Variants in CYP20A1 observed in about 807,000 individuals in gnomAD.
CYP20A1 encodes cytochrome P450 family 20 subfamily A member 1.
A neutral mutation model predicts 61.4 loss-of-function variants in CYP20A1; 61 were observed. That is an observed-to-expected ratio of 0.99 (90% CI 0.81 to 1.23). The LOEUF (loss-of-function observed/expected upper bound fraction) is 1.23. Among genes scored for constraint, CYP20A1 ranks in the 50% most tolerant of loss-of-function variants. The pLI is 0.00. For missense variants in CYP20A1, 530 were observed against 542.4 expected, an observed-to-expected ratio of 0.98 and a Z score of 0.23; for synonymous variants, 193 against 188.2, an observed-to-expected ratio of 1.03 and a Z score of -0.21.
In CYP20A1 at chr2:203,298,948, T is replaced by G. The variant is rs1360641266; in HGVS notation, c.*2040T>G. ...TACTTGGGAGGCTGAGGCAGGAGAA[T>G]CGCTTGAACCTGGGAGGCGGAGGTT... On this transcript the variant is annotated 3_prime_UTR_variant, in exon 13 of 13. Coordinates refer to ENST00000356079, the MANE Select transcript of CYP20A1 (RefSeq NM_177538.3). 6.6e-6 allele frequency among the ~76,000 whole-genome samples: 1 copy of G among 151,926 alleles called. No homozygotes were observed. Among genetic ancestry groups the G allele is most frequent in the Non-Finnish European group, 1.5e-5 (1 of 67,990 alleles).
At chr2:203,279,716 C>T (rs1373800342) in intron 7 of CYP20A1, among the ~76,000 whole-genome samples, 9 of 152,024 alleles carry the variant, frequency 5.9e-5, no homozygotes, top group African/African-American at 9.7e-5. Flanking sequence ...AAAATAGGAC[C>T]GAGTTTGTTT....
intron 9 of CYP20A1, among the ~76,000 whole-genome samples, chr2:203,287,146 G>T (rs1178566735): frequency 2.2e-5 from 3 of 137,286 alleles, no homozygotes; most frequent in African/African-American, 8.0e-5. Flanking sequence ...CTGAGCCCAG[G>T]AAGTCCAGGC....
chr2:203,246,042 G>T, intron 2 of CYP20A1, 147 bp downstream of exon 2: 1 of 584,076 alleles, frequency 1.7e-6, no homozygotes, highest in South Asian at 2.5e-5. Flanking sequence ...GGAGTTTAAT[G>T]CTTCAGTGAG....
chr2:203,257,695 A>C (rs1293652260), intron 4 of CYP20A1, among the ~76,000 whole-genome samples: 1 of 151,642 alleles, frequency 6.6e-6, no homozygotes, highest in South Asian at 2.1e-4. Context: ...AGGCTGAGGC[A>C]GGAGAATTGC....
chr2:203,288,345 C>T (rs191062545), intron 9 of CYP20A1, among the ~76,000 whole-genome samples: 1 of 152,078 alleles, frequency 6.6e-6, no homozygotes, highest in Admixed American at 6.6e-5. Context: ...GGATTACAGA[C>T]ATGTGCCACC....
intron 11 of CYP20A1, among the ~76,000 whole-genome samples, chr2:203,295,849 TGA>T (rs1389739244): frequency 2.0e-5 from 3 of 151,876 alleles, no homozygotes; most frequent in Non-Finnish European, 4.4e-5. Context: ...CTTGGGAGGC[TGA>T]GACAGGAGAA....
chr2:203,261,326 G>A (rs535757205), intron 4 of CYP20A1, among the ~76,000 whole-genome samples: 1 of 152,138 alleles, frequency 6.6e-6, no homozygotes, highest in South Asian at 2.1e-4. Flanking sequence ...GAGAGGCTGA[G>A]GTGGGAGGAT....
At position 203,277,354 on chromosome 2, in the gene CYP20A1, A is replaced by AAAAAAG. The variant is rs112558679; in HGVS notation, c.680-1215_680-1214insAGAAAA. Among the ~76,000 whole-genome samples, 1,122 of 147,744 alleles carry AAAAAAG rather than the reference A, an allele frequency of 7.6e-3. 13 individuals are homozygous for AAAAAAG. The highest frequency in any genetic ancestry group is 0.02 in the African/African-American group (816 of 40,198). The stretch of plus-strand genomic sequence containing the variant: ...CAGAGGAACACTCTGTCTCAAAAAA[A>AAAAAAG]AAAAGAAAAAGAAAAAGTGTTTCTT... On this transcript the variant is annotated intron_variant, in intron 6 of 12. Coordinates refer to ENST00000356079, the MANE Select transcript of CYP20A1 (RefSeq NM_177538.3).
At chr2:203,240,572 A>C (rs1211698082) in intron 1 of CYP20A1, among the ~76,000 whole-genome samples, 2 of 152,180 alleles carry the variant, frequency 1.3e-5, no homozygotes, top group Admixed American at 1.3e-4. Context: ...TTAAAGTAGG[A>C]TGGCCAGGAG....
intron 3 of CYP20A1, among the ~76,000 whole-genome samples, 169 bp from the exon 4 acceptor site, chr2:203,251,798 T>TATATATATATATATATGTGTAC (rs1199048449): frequency 1.2e-5 from 1 of 81,136 alleles, no homozygotes; most frequent in African/African-American, 5.8e-5. Context: ...TATGTGTATA[T>TATATATATATATATATGTGTAC]ATATATATAT....
intron 3 of CYP20A1, among the ~76,000 whole-genome samples, chr2:203,247,652 A>G (rs1481452997): frequency 6.6e-6 from 1 of 151,858 alleles, no homozygotes; most frequent in Non-Finnish European, 1.5e-5. Flanking sequence ...AGGTCAGGAG[A>G]TCGAGACCAT....
At chr2:203,248,216 G>C (rs1040623335) in intron 3 of CYP20A1, among the ~76,000 whole-genome samples, 2 of 152,018 alleles carry the variant, frequency 1.3e-5, no homozygotes, top group Non-Finnish European at 2.9e-5. Flanking sequence ...CAGGGGACAG[G>C]GCAAGAACCT....
chr2:203,290,696 G>A (rs2068495412), intron 10 of CYP20A1, among the ~76,000 whole-genome samples: 1 of 152,118 alleles, frequency 6.6e-6, no homozygotes. Context: ...ATCCTGGAGT[G>A]CAGTTGTGCA....
At position 203,300,843 on chromosome 2, in the gene CYP20A1, C is replaced by G. The variant is rs1233996980; in HGVS notation, c.*3935C>G. On this transcript the variant is annotated 3_prime_UTR_variant, in exon 13 of 13. Coordinates refer to ENST00000356079, the MANE Select transcript of CYP20A1 (RefSeq NM_177538.3). ...GGCAGAGGTTGCGATGAGCCGAGAT[C>G]GTGCCATTGCACTCCAGCCTGGGCA... Among the ~76,000 whole-genome samples, 3 of 138,334 alleles carry G rather than the reference C, an allele frequency of 2.2e-5. No individual in the cohort carries two copies. The South Asian group carries it at 7.1e-4, about 33-fold the overall frequency. The allele number at this position is 138,334 out of a possible 152,430, so 90.8% of individuals were successfully genotyped here.
chr2:203,294,193 G>A (rs562327399), intron 11 of CYP20A1, among the ~76,000 whole-genome samples: 169 of 150,452 alleles, frequency 1.1e-3, no homozygotes, highest in Non-Finnish European at 2.1e-3. Context: ...TATTTTTTTC[G>A]AGACAGAATC....
Position 203,300,905 on chromosome 2 carries a change from A to C in CYP20A1, c.*3997A>C, listed in dbSNP as rs1336914648. Among the ~76,000 whole-genome samples, 1 of 148,102 alleles carries C rather than the reference A, an allele frequency of 6.8e-6. No individual in the cohort carries two copies. Among genetic ancestry groups the C allele is most frequent in the Non-Finnish European group, 1.5e-5 (1 of 67,140 alleles). ...ACTCCGTCTCAGAAAAAAAAAAAAAAAAAAAAAACGGCCAGGCGAGGTGGC... is the reference window on the plus strand; with the variant it reads ...ACTCCGTCTCAGAAAAAAAAAAAAACAAAAAAAACGGCCAGGCGAGGTGGC... On this transcript the variant is annotated 3_prime_UTR_variant, in exon 13 of 13. Transcript: ENST00000356079.
intron 2 of CYP20A1, among the ~76,000 whole-genome samples, chr2:203,246,097 C>A (rs2066451869): frequency 6.6e-6 from 1 of 152,050 alleles, no homozygotes; most frequent in Admixed American, 6.6e-5. Flanking sequence ...CAGAGCCAGA[C>A]CCTGTTTCTA....
In CYP20A1 at chr2:203,247,550, G is replaced by A. The variant is rs574316619; in HGVS notation, c.289+629G>A. On this transcript the variant is annotated intron_variant, in intron 3 of 12. Transcript: ENST00000356079. Reference sequence around the variant, plus strand: ...AGAGTAAATGTACATGAGCAACCAGGAAACAATCCTAAAAAGAGTATTAAT... The same window carrying A: ...AGAGTAAATGTACATGAGCAACCAGAAAACAATCCTAAAAAGAGTATTAAT... 7.2e-5 allele frequency among the ~76,000 whole-genome samples: 11 copies of A among 152,064 alleles called. No homozygotes were observed. In the East Asian group the frequency reaches 2.1e-3, roughly 30 times the overall value.
Position 203,302,839 on chromosome 2 carries a change from C to T in CYP20A1, c.*5931C>T, listed in dbSNP as rs868858901. Among the ~76,000 whole-genome samples the T allele has an allele frequency of 5.3e-5, 8 of 150,664 alleles. No homozygotes were observed. Among genetic ancestry groups the T allele is most frequent in the South Asian group, 2.1e-4 (1 of 4,760 alleles). On this transcript the variant is annotated 3_prime_UTR_variant, in exon 13 of 13. Transcript: ENST00000356079. ...TTTTGAGTAACTGGGGTTACAGGCG[C>T]GTGCCATCACACCCAGCTCATTTTT...
Sources: allele counts gnomAD v4.1 joint callset (sites outside exome capture counted in the v4.1 genomes callset), GRCh38; gene constraint gnomAD v4.1.1; transcripts MANE v1.5; gene names NCBI Gene and HGNC (gene_info 2026-07-23, HGNC 2026-07-21).